The following TOM1L2 variants were observed in gnomAD, a reference collection of about 807,000 sequenced individuals.
TOM1L2 encodes TOM1-like protein 2.
Under a neutral mutation model 67.9 loss-of-function variants are expected in TOM1L2, and 31 were observed. The observed-to-expected ratio is 0.46, with a 90% CI of 0.34 to 0.62. The LOEUF is 0.62. Ranked by LOEUF, TOM1L2 falls within the 20% of genes least tolerant of loss-of-function variation. The pLI, the probability that TOM1L2 is intolerant of heterozygous loss-of-function variation, is 0.01. For synonymous variants in TOM1L2, 256 were observed against 254.0 expected (o/e 1.01, Z -0.07); for missense variants, 606 against 663.5 (o/e 0.91, Z 0.95).
At chr17:17,916,571 A>G (rs1273936192) in intron 1 of TOM1L2, among the ~76,000 whole-genome samples, 1 of 152,212 alleles carries the variant, frequency 6.6e-6, no homozygotes, top group East Asian at 1.9e-4. Flanking sequence ...CTGAAAATCA[A>G]TTGACCATAT....
intron 1 of TOM1L2, among the ~76,000 whole-genome samples, chr17:17,931,650 T>C (rs1452575505): frequency 2.0e-5 from 3 of 152,130 alleles, no homozygotes; most frequent in Non-Finnish European, 4.4e-5. Flanking sequence ...ACCTCAAAAA[T>C]GGAGTTGCAG....
In TOM1L2 at chr17:17,845,794, A is replaced by T. The variant is rs2035613561; in HGVS notation, c.*1841T>A. 6.6e-6 allele frequency: 1 copy of T among 152,322 alleles called. No individual in the cohort carries two copies. Among genetic ancestry groups the T allele is most frequent in the African/African-American group, 2.4e-5 (1 of 41,446 alleles). 9.4% of individuals were successfully genotyped at this position (152,322 alleles called of 1,614,324 possible). On this transcript the variant is annotated 3_prime_UTR_variant, in exon 15 of 15. Transcript: ENST00000379504. ...GGCCTCAGGGGGGTCTGTCTTTGAGAAACATTGAGGAGGCAGGGGCTCATC... is the reference window on the plus strand; with the variant it reads ...GGCCTCAGGGGGGTCTGTCTTTGAGTAACATTGAGGAGGCAGGGGCTCATC...
At chr17:17,952,083 A>T (rs1007479645) in intron 1 of TOM1L2, among the ~76,000 whole-genome samples, 7 of 152,250 alleles carry the variant, frequency 4.6e-5, no homozygotes. Flanking sequence ...AGGACAAGAA[A>T]GCCACTGCCC....
rs1211926296 is a variant in TOM1L2 at position 17,913,090 on chromosome 17, G to A, written c.53-5559C>T. Reference sequence around the variant, plus strand: ...CAATCGCAGGCACTCGGCAGGCTGAGGCAGGAGAATCAGGCAGGGAGGTTG... The same window carrying A: ...CAATCGCAGGCACTCGGCAGGCTGAAGCAGGAGAATCAGGCAGGGAGGTTG... On this transcript the variant is annotated intron_variant, in intron 1 of 14. Transcript: ENST00000379504. Among the ~76,000 whole-genome samples, 5 of 151,918 alleles carry A rather than the reference G, an allele frequency of 3.3e-5. No homozygotes were observed. The South Asian group carries it at 8.3e-4, about 25-fold the overall frequency.
chr17:17,866,438 G>T lies in TOM1L2; in HGVS notation c.961-19C>A. On this transcript the variant is annotated intron_variant, in intron 9 of 14. Coordinates refer to ENST00000379504, the MANE Select transcript of TOM1L2 (RefSeq NM_001082968.2). Reference sequence around the variant, plus strand: ...TCAGTACCTGTCAGAACATGAGATTGGCCATAAGCCCCAGAACCCTGGAGT... The same window carrying T: ...TCAGTACCTGTCAGAACATGAGATTTGCCATAAGCCCCAGAACCCTGGAGT... The T allele has an allele frequency of 6.3e-7, 1 of 1,579,874 alleles. No individual in the cohort carries two copies. Among genetic ancestry groups the T allele is most frequent in the South Asian group, 1.2e-5 (1 of 86,822 alleles).
intron 1 of TOM1L2, among the ~76,000 whole-genome samples, chr17:17,920,791 T>C (rs1598341506): frequency 6.6e-6 from 1 of 150,404 alleles, no homozygotes; most frequent in East Asian, 2.0e-4. Context: ...CCCGCCACCA[T>C]GCCCAGCTAA....
intron 1 of TOM1L2, among the ~76,000 whole-genome samples, chr17:17,916,074 A>AT (rs1203797922): frequency 0.02 from 2,750 of 135,820 alleles, 91 homozygotes; most frequent in African/African-American, 0.059. Flanking sequence ...CCTTTTTAAG[A>AT]TTTTTTTTTT....
chr17:17,927,876 G>A (rs900282454), intron 1 of TOM1L2, among the ~76,000 whole-genome samples: 2 of 152,004 alleles, frequency 1.3e-5, no homozygotes, highest in African/African-American at 4.8e-5. Flanking sequence ...TGTTACCCAG[G>A]CCTCCCAAAG....
intron 4 of TOM1L2, among the ~76,000 whole-genome samples, chr17:17,888,400 CAA>C (rs1269358538): frequency 2.0e-5 from 3 of 152,216 alleles, no homozygotes; most frequent in Non-Finnish European, 4.4e-5. Context: ...AAAGTTTTGA[CAA>C]AGCTTTGAAT....
chr17:17,970,567 TG>T (rs2042029461), intron 1 of TOM1L2, among the ~76,000 whole-genome samples: 1 of 152,006 alleles, frequency 6.6e-6, no homozygotes, highest in Non-Finnish European at 1.5e-5. Context: ...GAAAAGGACA[TG>T]GGGAAGAAGT....
chr17:17,882,929 C>T, intron 5 of TOM1L2, 66 bp from the exon 6 acceptor site: 4 of 1,581,046 alleles, frequency 2.5e-6, no homozygotes, highest in Admixed American at 1.7e-5. Context: ...CTGGTACCTA[C>T]CCCACCCCAT....
chr17:17,897,143 G>A (rs369750846), intron 3 of TOM1L2, among the ~76,000 whole-genome samples: 2 of 152,226 alleles, frequency 1.3e-5, no homozygotes, highest in African/African-American at 4.8e-5. Flanking sequence ...GTGTGTAAAT[G>A]GAGATGTTTT....
intron 7 of TOM1L2, among the ~76,000 whole-genome samples, chr17:17,877,392 A>G (rs534270750): frequency 6.6e-6 from 1 of 152,228 alleles, no homozygotes; most frequent in Non-Finnish European, 1.5e-5. Context: ...TCAGCTCTGT[A>G]TTCTCTGCCC....
chr17:17,960,310 T>C (rs1334021731), intron 1 of TOM1L2, among the ~76,000 whole-genome samples: 1 of 152,080 alleles, frequency 6.6e-6, no homozygotes, highest in African/African-American at 2.4e-5. Context: ...CCACTGATAA[T>C]CCACAGACCT....
chr17:17,920,945 T>C (rs1017315137), intron 1 of TOM1L2, among the ~76,000 whole-genome samples: 4 of 152,188 alleles, frequency 2.6e-5, no homozygotes, highest in African/African-American at 9.7e-5. Context: ...GTTCACATCT[T>C]ACATAACCAC....
rs1400688094 is a variant in TOM1L2 at position 17,846,997 on chromosome 17, G to A, written c.*638C>T. On this transcript the variant is annotated 3_prime_UTR_variant, in exon 15 of 15. Transcript: ENST00000379504. ...ACCCTCGGTGCCAGGCTCGGCTGCT[G>A]AGCCAGCTTGGGTGTGAAGCCTGGG... The A allele has an allele frequency of 6.6e-6, 1 of 152,444 alleles. No individual in the cohort carries two copies. Among genetic ancestry groups the A allele is most frequent in the East Asian group, 1.9e-4 (1 of 5,188 alleles). 9.4% of individuals were successfully genotyped at this position (152,444 alleles called of 1,614,324 possible).
At chr17:17,891,572 C>T (rs2038275635) in intron 4 of TOM1L2, among the ~76,000 whole-genome samples, 1 of 152,174 alleles carries the variant, frequency 6.6e-6, no homozygotes, top group Non-Finnish European at 1.5e-5. Flanking sequence ...ACTGTGCTTG[C>T]CATGCGGTAG....
chr17:17,866,259 A>G, intron 10 of TOM1L2, 37 bp downstream of exon 10: 1 of 1,590,562 alleles, frequency 6.3e-7, no homozygotes, highest in Non-Finnish European at 8.6e-7. Flanking sequence ...CAGTGGTAGG[A>G]AGTAGGTAGG....
intron 7 of TOM1L2, 111 bp from the exon 8 acceptor site, chr17:17,869,584 C>T: frequency 9.1e-6 from 13 of 1,434,074 alleles, no homozygotes; most frequent in South Asian, 1.5e-5. Flanking sequence ...GGAGTACATG[C>T]TTGTTCATAA....
Sources: gnomAD v4.1 joint callset for allele counts (sites outside exome capture counted in the v4.1 genomes callset) on GRCh38, gnomAD v4.1.1 for gene constraint, MANE v1.5 for transcripts, NCBI Gene and HGNC (gene_info 2026-07-23, HGNC 2026-07-21) for gene names.